Variants in MCF2L observed in about 807,000 individuals in gnomAD.
MCF2L encodes guanine nucleotide exchange factor DBS.
In MCF2L, 97 loss-of-function variants were observed where a neutral mutation model predicts 153.4. That is an observed-to-expected ratio of 0.63 (90% CI 0.54 to 0.75). The LOEUF is 0.75. MCF2L is among the 30% of genes least tolerant of loss of function. The pLI is 0.00. For missense variants in MCF2L, 1,347 were observed against 1,495.2 expected (o/e 0.90, Z 1.64); for synonymous variants, 659 against 632.2 (o/e 1.04, Z -0.64).
At position 112,993,094 on chromosome 13, in the gene MCF2L, CT is replaced by C. The variant is rs2082956566; in HGVS notation, c.80-21665del. Among the ~76,000 whole-genome samples, 2 of 152,238 alleles carry C rather than the reference CT, an allele frequency of 1.3e-5. No individual in the cohort carries two copies. Among genetic ancestry groups the C allele is most frequent in the Non-Finnish European group, 2.9e-5 (2 of 68,044 alleles). On this transcript the variant is annotated intron_variant, in intron 1 of 29. Coordinates refer to ENST00000535094, the MANE Select transcript of MCF2L (RefSeq NM_001112732.3). This position sits in a 1 kb window ranked among gnomAD's most constrained non-coding sequence, Gnocchi z 4.6. The stretch of plus-strand genomic sequence containing the variant: ...AGCTCCCGCTTCTGCAGTAAGGTGG[CT>C]TTTAAGCCAGAGATTACCACGCGCT...
intron 3 of MCF2L, among the ~76,000 whole-genome samples, chr13:113,033,355 C>CATGGCGTGA (rs1197247367): frequency 9.7e-5 from 7 of 72,532 alleles, no homozygotes; most frequent in African/African-American, 2.5e-4. Context: ...TAGTGGACCC[C>CATGGCGTGA]GTGGCGTGAG....
intron 1 of MCF2L, chr13:112,985,560 G>T: frequency 2.3e-6 from 1 of 439,180 alleles, no homozygotes. Flanking sequence ...GAGGCAGCAT[G>T]GAGGTGCCCT....
At chr13:113,024,872 C>T in intron 3 of MCF2L, 114 bp downstream of exon 3, 1 of 832,726 alleles carries the variant, frequency 1.2e-6, no homozygotes, top group Non-Finnish European at 2.0e-6. Context: ...TGTGAGATTT[C>T]CCTGTCATGG....
At chr13:113,039,155 G>A (rs538923476) in intron 3 of MCF2L, among the ~76,000 whole-genome samples, 99 of 152,270 alleles carry the variant, frequency 6.5e-4, no homozygotes, top group Admixed American at 1.8e-3. Context: ...CACCGCGCCC[G>A]GCCATTGCAG....
intron 1 of MCF2L, among the ~76,000 whole-genome samples, chr13:113,000,424 C>T (rs900585730): frequency 1.3e-5 from 2 of 152,266 alleles, no homozygotes; most frequent in South Asian, 2.1e-4. Flanking sequence ...AGGACCCAGG[C>T]GTGGAGGAAG....
intron 4 of MCF2L, among the ~76,000 whole-genome samples, chr13:113,051,564 CA>C (rs1336858079): frequency 6.6e-6 from 1 of 152,142 alleles, no homozygotes; most frequent in Non-Finnish European, 1.5e-5. Flanking sequence ...TTTCCTGGAA[CA>C]TGGAATCCAA....
chr13:112,956,245 C>T, intron 2 of MCF2L: 1 of 153,416 alleles, frequency 6.5e-6, no homozygotes, highest in Non-Finnish European at 1.5e-5. Flanking sequence ...TTCAATGCAG[C>T]AGCTTCTTTT....
At chr13:112,928,036 G>A (rs957499704) in intron 2 of MCF2L, among the ~76,000 whole-genome samples, 6 of 152,176 alleles carry the variant, frequency 3.9e-5, no homozygotes, top group African/African-American at 1.4e-4. Flanking sequence ...ATTTAATTCT[G>A]AATAATTATT....
chr13:113,062,111 CTG>C (rs1419660952), intron 5 of MCF2L, among the ~76,000 whole-genome samples: 2 of 151,542 alleles, frequency 1.3e-5, no homozygotes, highest in East Asian at 2.0e-4. Flanking sequence ...TTGGGAAACT[CTG>C]TGCATGTACC....
intron 4 of MCF2L, among the ~76,000 whole-genome samples, chr13:113,049,169 G>A (rs2087038786): frequency 6.6e-6 from 1 of 152,222 alleles, no homozygotes. Context: ...AAGGAGAAGT[G>A]GGCCACAAGG....
At chr13:112,962,735 A>G (rs984459401) in intron 2 of MCF2L, among the ~76,000 whole-genome samples, 1 of 152,164 alleles carries the variant, frequency 6.6e-6, no homozygotes, top group African/African-American at 2.4e-5. Flanking sequence ...GGAAGGCCCC[A>G]ACCCCTACCC....
At chr13:113,096,164 A>G in intron 27 of MCF2L, 2 of 597,712 alleles carry the variant, frequency 3.3e-6, no homozygotes. Flanking sequence ...CCAAAGACAG[A>G]TTCACAGACG....
At chr13:112,949,691 A>T (rs1013141838) in intron 2 of MCF2L, among the ~76,000 whole-genome samples, 5 of 142,024 alleles carry the variant, frequency 3.5e-5, no homozygotes, top group Non-Finnish European at 7.5e-5. Flanking sequence ...ATTCATGATT[A>T]AAAAAAAAAA....
In MCF2L at chr13:113,096,808, G is replaced by C; in HGVS notation, c.3327G>C (p.Ser1109=). 1 of 1,550,100 alleles carries C rather than the reference G, an allele frequency of 6.5e-7. No homozygotes were observed. The highest frequency in any genetic ancestry group is 8.6e-7 in the Non-Finnish European group (1 of 1,158,518). The change falls in exon 30 of 30, where the codon TCG becomes TCC. Residue 1109 remains serine, a synonymous_variant. Coordinates refer to ENST00000535094, the MANE Select transcript of MCF2L (RefSeq NM_001112732.3). The part of the protein sequence containing the change: ...SSPGSAVLSN[S]SSCSEGGQAP... ...CGGGGTCGGCCGTGCTGAGCAACTCGTCCAGCTGCAGCGAGGGCGGCCAGG... is the reference window on the plus strand; with the variant it reads ...CGGGGTCGGCCGTGCTGAGCAACTCCTCCAGCTGCAGCGAGGGCGGCCAGG...
At chr13:113,092,991 C>T (rs1341165863) in intron 26 of MCF2L, among the ~76,000 whole-genome samples, 2 of 152,260 alleles carry the variant, frequency 1.3e-5, no homozygotes, top group Admixed American at 6.5e-5. Context: ...GCCCACGCCA[C>T]ACCAGCTCCT....
chr13:112,972,256 G>A (rs1179256948), intron 1 of MCF2L, among the ~76,000 whole-genome samples: 1 of 143,386 alleles, frequency 7.0e-6, no homozygotes, highest in African/African-American at 2.5e-5. Flanking sequence ...TGGGTGGGTG[G>A]ATGGATGGGT....
chr13:112,895,120 C>T (rs556240466), intron 1 of MCF2L, among the ~76,000 whole-genome samples: 1 of 152,316 alleles, frequency 6.6e-6, no homozygotes, highest in South Asian at 2.1e-4. Flanking sequence ...GCTTGGTTGC[C>T]GTGGGCCCTC....
chr13:112,995,957 A>G (rs1262767071), intron 1 of MCF2L, among the ~76,000 whole-genome samples: 2 of 152,168 alleles, frequency 1.3e-5, no homozygotes, highest in African/African-American at 4.8e-5. Flanking sequence ...TCCCAAGCAC[A>G]GTACAGCCCT....
rs920049711 is a variant in MCF2L, at chr13:113,026,761, C to T, written c.278+2003C>T. On this transcript the variant is annotated intron_variant, in intron 3 of 29. Transcript: ENST00000535094. The stretch of plus-strand genomic sequence containing the variant: ...CTGACCCCAGAGGTACCAGAAAATC[C>T]AGTTAACAAAAATGGTTCCCTCAGG... 28 of 599,294 alleles carry T rather than the reference C, an allele frequency of 4.7e-5. 1 individual carries two copies. In the South Asian group the frequency reaches 4.8e-4, roughly 10 times the overall value. 37.1% of individuals were successfully genotyped at this position (599,294 alleles called of 1,614,324 possible).
Sources: gnomAD v4.1 joint callset for allele counts (sites outside exome capture counted in the v4.1 genomes callset) on GRCh38, gnomAD v4.1.1 for gene constraint, Gnocchi (gnomAD v3.1) non-coding constraint, MANE v1.5 for transcripts, NCBI Gene and HGNC (gene_info 2026-07-23, HGNC 2026-07-21) for gene names.